CDK14: variants seen among roughly 807,000 people sequenced by gnomAD.
CDK14 encodes cyclin dependent kinase 14.
A neutral mutation model predicts 60.7 loss-of-function variants in CDK14; 34 were observed. The ratio of observed to expected loss-of-function variants is 0.56; its 90% CI spans 0.43 to 0.75. The LOEUF (loss-of-function observed/expected upper bound fraction) is 0.75, where lower values mean the gene tolerates loss of function less well. Ranked by LOEUF, CDK14 falls within the 30% of genes least tolerant of loss-of-function variation. The pLI is 0.00. For synonymous variants in CDK14, 197 were observed against 203.7 expected (o/e 0.97, Z 0.28); for missense variants, 482 against 564.1 (o/e 0.85, Z 1.47).
At chr7:90,795,945 A>G (rs960685193) in intron 5 of CDK14, among the ~76,000 whole-genome samples, 8 of 152,174 alleles carry the variant, frequency 5.3e-5, no homozygotes, top group African/African-American at 1.9e-4. Context: ...GTAGGATCAC[A>G]TTGAAGTTGT....
intron 4 of CDK14, among the ~76,000 whole-genome samples, chr7:90,774,515 C>T (rs1294781832): frequency 1.3e-5 from 2 of 152,032 alleles, no homozygotes; most frequent in East Asian, 1.9e-4. Context: ...ATAATTTTGG[C>T]TTTTCTTGAT....
intron 12 of CDK14, among the ~76,000 whole-genome samples, chr7:91,088,471 C>T (rs931717210): frequency 6.6e-6 from 1 of 152,042 alleles, no homozygotes; most frequent in Admixed American, 6.6e-5. Context: ...ATTTTTCTGT[C>T]TTCTCTGAAA....
chr7:90,792,651 C>T (rs1177278703), intron 5 of CDK14, among the ~76,000 whole-genome samples: 2 of 152,178 alleles, frequency 1.3e-5, no homozygotes, highest in Non-Finnish European at 2.9e-5. Flanking sequence ...TCTGTCTCTC[C>T]ACTGCCACCC....
chr7:90,874,993 C>G (rs1791510918), intron 6 of CDK14, among the ~76,000 whole-genome samples: 1 of 152,146 alleles, frequency 6.6e-6, no homozygotes, highest in East Asian at 1.9e-4. Context: ...TAAAGAGAAT[C>G]CCATATCCAT....
intron 8 of CDK14, among the ~76,000 whole-genome samples, chr7:90,930,593 T>A (rs1793564420): frequency 6.7e-6 from 1 of 149,642 alleles, no homozygotes; most frequent in Non-Finnish European, 1.5e-5. Flanking sequence ...CTGAGGGCAT[T>A]CTTATTTTTG....
chr7:90,658,605 G>A (rs1292911217), intron 2 of CDK14, among the ~76,000 whole-genome samples: 2 of 152,166 alleles, frequency 1.3e-5, no homozygotes, highest in African/African-American at 2.4e-5. Context: ...TGTTTTCAAG[G>A]TACATCCTTG....
At chr7:90,875,122 T>C (rs1341228065) in intron 6 of CDK14, among the ~76,000 whole-genome samples, 1 of 152,224 alleles carries the variant, frequency 6.6e-6, no homozygotes, top group African/African-American at 2.4e-5. Flanking sequence ...TGTGACCCTT[T>C]GTCATTGTCT....
chr7:90,609,197 G>C (rs952880718), intron 2 of CDK14, among the ~76,000 whole-genome samples: 2 of 151,976 alleles, frequency 1.3e-5, no homozygotes, highest in African/African-American at 2.4e-5. Flanking sequence ...GCTAATTTTT[G>C]TATTTTTTGT....
intron 5 of CDK14, among the ~76,000 whole-genome samples, chr7:90,849,505 C>G (rs1790573635): frequency 6.6e-6 from 1 of 151,942 alleles, no homozygotes; most frequent in African/African-American, 2.4e-5. Flanking sequence ...ACATGACATT[C>G]AAACATTAAT....
At chr7:91,193,215 G>A (rs977769011) in intron 14 of CDK14, among the ~76,000 whole-genome samples, 5 of 152,110 alleles carry the variant, frequency 3.3e-5, no homozygotes, top group Admixed American at 6.5e-5. Flanking sequence ...TTCTGACATC[G>A]TAATCCTGAG....
chr7:91,108,616 C>T (rs369752465), intron 12 of CDK14, among the ~76,000 whole-genome samples: 31 of 152,128 alleles, frequency 2.0e-4, no homozygotes, highest in African/African-American at 7.5e-4. Context: ...ATTTGCCTGC[C>T]ACTATATGTT....
At chr7:90,854,044 C>G (rs1276310528) in intron 5 of CDK14, among the ~76,000 whole-genome samples, 2 of 152,168 alleles carry the variant, frequency 1.3e-5, no homozygotes, top group African/African-American at 4.8e-5. Context: ...CACAGTCTTA[C>G]AAAGTTGAGT....
intron 14 of CDK14, among the ~76,000 whole-genome samples, chr7:91,173,699 G>C (rs113957303): frequency 6.6e-6 from 1 of 152,102 alleles, no homozygotes; most frequent in Non-Finnish European, 1.5e-5. Context: ...GGTGACGGAC[G>C]GCACCTGGAA....
chr7:90,988,289 C>G (rs995772996), intron 10 of CDK14, among the ~76,000 whole-genome samples: 4 of 152,040 alleles, frequency 2.6e-5, no homozygotes, highest in African/African-American at 7.2e-5. Context: ...TGAAATTTCA[C>G]TGTTAAATCA....
chr7:90,621,665 C>CTTCA (rs1458710149), intron 2 of CDK14, among the ~76,000 whole-genome samples: 1 of 148,440 alleles, frequency 6.7e-6, no homozygotes, highest in Non-Finnish European at 1.5e-5. Flanking sequence ...TCCTTCCTTC[C>CTTCA]TTCCTGCCTT....
At chr7:91,099,733 T>C (rs1799101820) in intron 12 of CDK14, among the ~76,000 whole-genome samples, 2 of 152,122 alleles carry the variant, frequency 1.3e-5, no homozygotes, top group Non-Finnish European at 2.9e-5. Context: ...CTAATGTCTT[T>C]CAGGTAACAA....
chr7:90,798,525 C>T (rs1036305611), intron 5 of CDK14, among the ~76,000 whole-genome samples: 10 of 152,150 alleles, frequency 6.6e-5, no homozygotes, highest in Admixed American at 1.3e-4. Context: ...TTTGAATTTG[C>T]CCCTCTTCTG....
chr7:91,059,727 C>T (rs1279032960), intron 11 of CDK14, among the ~76,000 whole-genome samples: 1 of 152,214 alleles, frequency 6.6e-6, no homozygotes, highest in Non-Finnish European at 1.5e-5. Context: ...GAGTGAGTTT[C>T]TGAATCCTGA....
chr7:90,742,642 A>G (rs1803395051), intron 3 of CDK14, among the ~76,000 whole-genome samples: 1 of 151,964 alleles, frequency 6.6e-6, no homozygotes, highest in Non-Finnish European at 1.5e-5. Flanking sequence ...TTAAAAGTCT[A>G]CGTCATACTG....
Sources: gnomAD v4.1 joint callset for allele counts (sites outside exome capture counted in the v4.1 genomes callset) on GRCh38, gnomAD v4.1.1 for gene constraint, MANE v1.5 for transcripts, NCBI Gene and HGNC (gene_info 2026-07-23, HGNC 2026-07-21) for gene names.